Variants in MIGA2 observed in about 807,000 individuals in gnomAD.
MIGA2 encodes mitoguardin 2.
A neutral mutation model predicts 69.9 loss-of-function variants in MIGA2; 36 were observed. The observed-to-expected ratio is 0.52, with a 90% CI of 0.39 to 0.68. The LOEUF (loss-of-function observed/expected upper bound fraction) is 0.68. MIGA2 is among the 30% of genes least tolerant of loss of function. The probability of loss-of-function intolerance (pLI) is 0.00; values close to 1 mark genes in which losing one functional copy is unlikely to be tolerated. For synonymous variants in MIGA2, 333 were observed against 349.2 expected, an observed-to-expected ratio of 0.95 and a Z score of 0.52; for missense variants, 660 against 787.7, an observed-to-expected ratio of 0.84 and a Z score of 1.94.
chr9:129,069,592 G>A lies in MIGA2; in HGVS notation c.1459-257G>A, dbSNP rs1003966364. On this transcript the variant is annotated intron_variant, in intron 14 of 15. Coordinates refer to ENST00000684074, the MANE Select transcript of MIGA2 (RefSeq NM_001329990.2). This position sits in a 1 kb window ranked among gnomAD's most constrained non-coding sequence, Gnocchi z 4.9. ...TGTTGCCTAGCTGATACCAGCTGCC[G>A]TGGCCACGTGCTCCAGGCACTTCCC... is the stretch of plus-strand genomic sequence containing the variant. 9.0e-6 allele frequency: 5 copies of A among 557,196 alleles called. No homozygotes were observed. The highest frequency in any genetic ancestry group is 3.1e-5 in the East Asian group (1 of 32,122). The allele number at this position is 557,196 out of a possible 1,614,324, so 34.5% of individuals were successfully genotyped here. A position where few individuals can be genotyped will look rare whatever the true frequency, so the allele number is the denominator to read the frequency against.
rs550569128 is a variant in MIGA2, at chr9:129,059,008, C to T, written c.676-146C>T. 9.2e-5 allele frequency: 60 copies of T among 652,562 alleles called. No individual in the cohort carries two copies. The highest frequency in any genetic ancestry group is 8.1e-4 in the South Asian group (42 of 51,802). The allele number at this position is 652,562 out of a possible 1,614,324, so 40.4% of individuals were successfully genotyped here. A position where few individuals can be genotyped will look rare whatever the true frequency, so the allele number is the denominator to read the frequency against. On this transcript the variant is annotated intron_variant, in intron 6 of 15. Transcript: ENST00000684074. The surrounding 1 kb of genome is among the most constrained non-coding windows in gnomAD (Gnocchi z 5.6). ...CAGAAGTGGCTGGTGGCTCCTCTAT[C>T]GAGCAGTGAAGTTTTGGAGTTTATG...
Position 129,059,188 on chromosome 9 carries a change from T to G in MIGA2, c.710T>G (p.Leu237Arg). Residue 237 changes from leucine (L) to arginine (R), a missense_variant, in exon 7 of 16, where the codon CTG (leucine) becomes CGG (arginine). Transcript: ENST00000684074. The surrounding 1 kb of genome is among the most constrained non-coding windows in gnomAD (Gnocchi z 5.6). ...ESQRKEFAEK[L>R]ESLLHRAYHL... ...CAGCGGAAGGAGTTTGCAGAGAAGC[T>G]GGAGTCCCTGCTGCACCGTGCCTAC... is the stretch of plus-strand genomic sequence containing the variant. 1 of 1,613,172 alleles carries G rather than the reference T, an allele frequency of 6.2e-7. No homozygotes were observed. The highest frequency in any genetic ancestry group is 8.5e-7 in the Non-Finnish European group (1 of 1,179,566).
chr9:129,066,959 CAAAAAAAAAAAAAAAA>C (rs1215441028), intron 11 of MIGA2, among the ~76,000 whole-genome samples: 3 of 32,122 alleles, frequency 9.3e-5, no homozygotes, highest in Non-Finnish European at 1.7e-4. Flanking sequence ...GACTCTGTCT[CAAAAAAAAAAAAAAAA>C]AAAAAAAAAA....
intron 3 of MIGA2, among the ~76,000 whole-genome samples, chr9:129,045,670 T>C (rs1023635996): frequency 3.3e-5 from 5 of 151,122 alleles, no homozygotes; most frequent in African/African-American, 1.2e-4. Context: ...TCCCAGCAAT[T>C]TGGGAGGCAG....
intron 12 of MIGA2, 94 bp downstream of exon 12, chr9:129,067,965 C>T (rs779226930): frequency 1.8e-5 from 25 of 1,403,642 alleles, no homozygotes; most frequent in Admixed American, 9.9e-5. Context: ...CAGTTCCAAG[C>T]GGCTGAGACG....
intron 2 of MIGA2, among the ~76,000 whole-genome samples, chr9:129,041,954 C>T (rs992846299): frequency 1.2e-4 from 19 of 152,186 alleles, no homozygotes; most frequent in African/African-American, 4.6e-4. Context: ...GGTTCCTCGT[C>T]TGGAAATGAC....
At chr9:129,067,213 C>T (rs556853260) in intron 11 of MIGA2, among the ~76,000 whole-genome samples, 5 of 152,030 alleles carry the variant, frequency 3.3e-5, no homozygotes, top group East Asian at 1.9e-4. Flanking sequence ...TTTTCTACAT[C>T]GTAAATGCAG....
At chr9:129,057,552 A>G (rs1238105467) in intron 6 of MIGA2, among the ~76,000 whole-genome samples, 1 of 151,856 alleles carries the variant, frequency 6.6e-6, no homozygotes, top group Admixed American at 6.6e-5. Context: ...TGGACTCCCA[A>G]AGTGCTGGGA....
chr9:129,052,607 A>G (rs1315693372), intron 6 of MIGA2, among the ~76,000 whole-genome samples: 1 of 152,146 alleles, frequency 6.6e-6, no homozygotes, highest in East Asian at 1.9e-4. Context: ...CAGCGGAGGT[A>G]GAAGGAGGAG....
In MIGA2 at chr9:129,061,449, C is replaced by A; in HGVS notation, c.1010+103C>A. Reference sequence around the variant, plus strand: ...CAGCGGTGCTTGGCGAGGACTTAGCCTGAGTGAGTCCAGGCTGCCTGAGGG... The same window carrying A: ...CAGCGGTGCTTGGCGAGGACTTAGCATGAGTGAGTCCAGGCTGCCTGAGGG... On this transcript the variant is annotated intron_variant, in intron 9 of 15. Transcript: ENST00000684074. The surrounding 1 kb of genome is among the most constrained non-coding windows in gnomAD (Gnocchi z 5.0). The A allele has an allele frequency of 9.6e-7, 1 of 1,041,074 alleles. No individual in the cohort carries two copies. 64.5% of individuals were successfully genotyped at this position (1,041,074 alleles called of 1,614,324 possible).
In MIGA2 at chr9:129,069,978, C is replaced by A. The variant is rs1163733834; in HGVS notation, c.1575+13C>A. ...TGCTTTCTTCAAGGTAAACAGAGAG[C>A]AGTTCTCGTTCTTTCCTGACCCTTG... On this transcript the variant is annotated intron_variant, in intron 15 of 15. Coordinates refer to ENST00000684074, the MANE Select transcript of MIGA2 (RefSeq NM_001329990.2). The surrounding 1 kb of genome is among the most constrained non-coding windows in gnomAD (Gnocchi z 4.9). 4 of 1,575,470 alleles carry A rather than the reference C, an allele frequency of 2.5e-6. No individual in the cohort carries two copies. In the South Asian group the frequency reaches 4.6e-5, roughly 18 times the overall value.
chr9:129,058,023 T>G (rs988512534), intron 6 of MIGA2, among the ~76,000 whole-genome samples: 1 of 152,184 alleles, frequency 6.6e-6, no homozygotes, highest in African/African-American at 2.4e-5. Flanking sequence ...GACTACATTC[T>G]TATTAAGACT....
At position 129,052,561 on chromosome 9, in the gene MIGA2, G is replaced by A. The variant is rs1037137625; in HGVS notation, c.675+2598G>A. On this transcript the variant is annotated intron_variant, in intron 6 of 15. Coordinates refer to ENST00000684074, the MANE Select transcript of MIGA2 (RefSeq NM_001329990.2). Reference sequence around the variant, plus strand: ...GGAGGCCGAGGCAGGAGGACCAGTTGAGCCCAGGAATTTGAGGGGATGGGG... The same window carrying A: ...GGAGGCCGAGGCAGGAGGACCAGTTAAGCCCAGGAATTTGAGGGGATGGGG... Among the ~76,000 whole-genome samples, 33 of 152,116 alleles carry A rather than the reference G, an allele frequency of 2.2e-4. 1 individual carries two copies. Among genetic ancestry groups the A allele is most frequent in the Admixed American group, 4.6e-4 (7 of 15,282 alleles).
Position 129,042,297 on chromosome 9 carries a change from C to T in MIGA2, c.97-7C>T, listed in dbSNP as rs777403376. The T allele has an allele frequency of 2.5e-6, 4 of 1,611,956 alleles. No individual in the cohort carries two copies. Among genetic ancestry groups the T allele is most frequent in the Non-Finnish European group, 3.4e-6 (4 of 1,179,776 alleles). ...GTGTAACCGGCAGCGTCTCCTCTTC[C>T]CTGCAGTCTGCATTCTCCCAGCTAC... On this transcript the variant is annotated splice_polypyrimidine_tract_variant and splice_region_variant and intron_variant, in intron 2 of 15. Coordinates refer to ENST00000684074, the MANE Select transcript of MIGA2 (RefSeq NM_001329990.2).
At chr9:129,043,386 T>C (rs79681596) in intron 3 of MIGA2, among the ~76,000 whole-genome samples, 4,332 of 116,632 alleles carry the variant, frequency 0.037, 149 homozygotes, top group African/African-American at 0.13. Context: ...TGTTCTCTCT[T>C]TTTTTTTTTT....
At position 129,063,378 on chromosome 9, in the gene MIGA2, C is replaced by T. The variant is rs1282683857; in HGVS notation, c.1083+62C>T. 1.4e-5 allele frequency: 22 copies of T among 1,597,252 alleles called. No individual in the cohort carries two copies. In the South Asian group the frequency reaches 1.9e-4, roughly 14 times the overall value. On this transcript the variant is annotated intron_variant, in intron 10 of 15. Transcript: ENST00000684074. The stretch of plus-strand genomic sequence containing the variant: ...CAAGGGGTAGTCAGGCTGGCCATGG[C>T]TGTGTGGCATGTATGTGGCCTCCTG...
In MIGA2 at chr9:129,042,434, G is replaced by C. The variant is rs1481316463; in HGVS notation, c.227G>C (p.Gly76Ala). ...KRRRRRKKQV[G>A]PEMGGEQLGT... ...CGACGGAGGAGGAAGAAGCAGGTTG[G>C]TCCCGAGATGGGAGGGGAGCAGCTG... The change falls in exon 3 of 16, where the codon GGT (glycine) becomes GCT (alanine). Residue 76 changes from glycine to alanine, a missense_variant. Gly to Ala is a moderately conservative substitution (Grantham distance 60). This residue lies in a region of MIGA2 where 386 missense variants were observed against 402.0 expected (regional missense o/e 0.96). Coordinates refer to ENST00000684074, the MANE Select transcript of MIGA2 (RefSeq NM_001329990.2). 4 of 1,612,488 alleles carry C rather than the reference G, an allele frequency of 2.5e-6. No homozygotes were observed. In the African/African-American group the frequency reaches 5.3e-5, roughly 22 times the overall value.
At chr9:129,065,122 A>G (rs1213711181) in intron 11 of MIGA2, among the ~76,000 whole-genome samples, 1 of 150,188 alleles carries the variant, frequency 6.7e-6, no homozygotes, top group Non-Finnish European at 1.5e-5. Flanking sequence ...TATGAAATAC[A>G]CATAGGAGAG....
chr9:129,039,220 T>TGTGTGTGTGTG (rs772090970), intron 1 of MIGA2, among the ~76,000 whole-genome samples: 1 of 144,990 alleles, frequency 6.9e-6, no homozygotes, highest in Non-Finnish European at 1.5e-5. Context: ...TGTGTGTGTG[T>TGTGTGTGTGTG]TTTATTTTAT....
Sources: gnomAD v4.1 joint callset for allele counts (sites outside exome capture counted in the v4.1 genomes callset) on GRCh38, gnomAD v4.1.1 for gene constraint, gnomAD v4.1.1 regional missense constraint, Gnocchi (gnomAD v3.1) non-coding constraint, MANE v1.5 for transcripts, NCBI Gene and HGNC (gene_info 2026-07-23, HGNC 2026-07-21) for gene names.